ANAPC10: variants seen among roughly 807,000 people sequenced by gnomAD.
ANAPC10 encodes the protein anaphase-promoting complex subunit 10.
ANAPC10 carries 12 observed loss-of-function variants against 22.0 expected under a neutral mutation model. The observed-to-expected ratio is 0.55, with a 90% CI of 0.35 to 0.88. The LOEUF (loss-of-function observed/expected upper bound fraction) is 0.88. Among genes scored for constraint, ANAPC10 ranks in the 40% least tolerant of loss-of-function variants. The pLI is 0.01. For synonymous variants in ANAPC10, 65 were observed against 69.5 expected (o/e 0.94, Z 0.32); for missense variants, 188 against 220.9 (o/e 0.85, Z 0.94).
At chr4:145,070,891 CA>C (rs1165290503) in intron 3 of ANAPC10, among the ~76,000 whole-genome samples, 9 of 152,050 alleles carry the variant, frequency 5.9e-5, no homozygotes, top group Admixed American at 5.9e-4. Flanking sequence ...AGTTAGACAC[CA>C]AAGGACAAAT....
chr4:145,079,216 G>A (rs531382937), intron 3 of ANAPC10, among the ~76,000 whole-genome samples: 27 of 152,190 alleles, frequency 1.8e-4, no homozygotes, highest in African/African-American at 5.8e-4. Context: ...AATGGGCAAA[G>A]GACATGAACG....
At chr4:145,010,877 T>C (rs1560819066) in intron 4 of ANAPC10, among the ~76,000 whole-genome samples, 1 of 151,566 alleles carries the variant, frequency 6.6e-6, no homozygotes, top group African/African-American at 2.4e-5. Context: ...GAGAGGTATA[T>C]GGGGAAAAAA....
intron 4 of ANAPC10, among the ~76,000 whole-genome samples, chr4:145,023,711 C>T (rs1736272939): frequency 6.6e-6 from 1 of 152,080 alleles, no homozygotes; most frequent in Non-Finnish European, 1.5e-5. Context: ...ATCATCTGGG[C>T]CTTTAGTGAG....
In ANAPC10 at chr4:144,994,595, T is replaced by C. The variant is rs1731355904; in HGVS notation, c.*778A>G. On this transcript the variant is annotated 3_prime_UTR_variant, in exon 5 of 5. Transcript: ENST00000507656. ...CATGTATTTCTTTAAAATCTTTTAA[T>C]ATATATAAAAAATTTCACATACTTT... The C allele has an allele frequency of 6.6e-6, 1 of 152,108 alleles. No individual in the cohort carries two copies. Among genetic ancestry groups the C allele is most frequent in the Non-Finnish European group, 1.5e-5 (1 of 67,980 alleles). The allele number at this position is 152,108 out of a possible 1,614,324, so 9.4% of individuals were successfully genotyped here. A position where few individuals can be genotyped will look rare whatever the true frequency, so the allele number is the denominator to read the frequency against.
chr4:145,047,664 C>T (rs569769274), intron 4 of ANAPC10, among the ~76,000 whole-genome samples: 15 of 151,818 alleles, frequency 9.9e-5, no homozygotes, highest in Non-Finnish European at 2.2e-4. Flanking sequence ...CACAAGGCAA[C>T]TCTTCATTCA....
At chr4:144,999,786 T>C (rs1732223383) in intron 4 of ANAPC10, among the ~76,000 whole-genome samples, 1 of 152,194 alleles carries the variant, frequency 6.6e-6, no homozygotes, top group Non-Finnish European at 1.5e-5. Flanking sequence ...GGCATCATGC[T>C]ACCTCACTTC....
intron 2 of ANAPC10, among the ~76,000 whole-genome samples, chr4:145,085,151 T>C (rs1746673833): frequency 6.6e-6 from 1 of 152,168 alleles, no homozygotes; most frequent in Admixed American, 6.6e-5. Context: ...ATGGCACTCA[T>C]GTGGCTGAGG....
intron 4 of ANAPC10, among the ~76,000 whole-genome samples, chr4:145,049,465 C>T (rs1740788246): frequency 6.6e-6 from 1 of 152,150 alleles, no homozygotes. Flanking sequence ...CAAGAATGTT[C>T]ACAGCACCTT....
intron 4 of ANAPC10, among the ~76,000 whole-genome samples, chr4:145,012,174 G>GTATATATATATATATA (rs201493778): frequency 1.5e-5 from 2 of 133,458 alleles, no homozygotes; most frequent in African/African-American, 5.4e-5. Context: ...ATGTGTGTGT[G>GTATATATATATATATA]TGTATATATA....
At chr4:145,060,800 T>C (rs1422715840) in intron 4 of ANAPC10, among the ~76,000 whole-genome samples, 2 of 152,030 alleles carry the variant, frequency 1.3e-5, no homozygotes, top group Admixed American at 6.5e-5. Context: ...GTTTTTTTTA[T>C]ATATTTAGAT....
rs952241264 is a variant in ANAPC10, at chr4:145,062,397, G to A, written c.327+2175C>T. Among the ~76,000 whole-genome samples the A allele has an allele frequency of 1.4e-4, 21 of 152,130 alleles. No individual in the cohort carries two copies. In the South Asian group the frequency reaches 3.1e-3, roughly 23 times the overall value. On this transcript the variant is annotated intron_variant, in intron 4 of 4. Transcript: ENST00000507656. ...CGAGAGAGGCAGATCACTTGAGGCC[G>A]GAGTTCGAGACCAACCTGGCCAAAA...
intron 4 of ANAPC10, among the ~76,000 whole-genome samples, chr4:145,043,599 A>C (rs1374640563): frequency 6.6e-6 from 1 of 152,170 alleles, no homozygotes; most frequent in Admixed American, 6.5e-5. Flanking sequence ...TTCTTACTTT[A>C]GGTGAAATAT....
chr4:145,066,774 A>AT (rs1743759549), intron 3 of ANAPC10, among the ~76,000 whole-genome samples: 1 of 6,196 alleles, frequency 1.6e-4, no homozygotes, highest in East Asian at 8.5e-3. Context: ...CATTTTTCTG[A>AT]TTTAAAAAAA....
chr4:145,054,644 C>CGCGCGTGCGTGCAGCGCGTGTGT (rs1560884545), intron 4 of ANAPC10, among the ~76,000 whole-genome samples: 1 of 137,700 alleles, frequency 7.3e-6, no homozygotes, highest in Non-Finnish European at 1.5e-5. Flanking sequence ...TGTGTGTGCG[C>CGCGCGTGCGTGCAGCGCGTGTGT]GCGCGCGCGC....
At chr4:145,057,942 G>T (rs1035708830) in intron 4 of ANAPC10, among the ~76,000 whole-genome samples, 1 of 152,004 alleles carries the variant, frequency 6.6e-6, no homozygotes, top group Non-Finnish European at 1.5e-5. Context: ...TTAAATCCTC[G>T]TAATTTTTAC....
chr4:145,005,211 T>C (rs942164063), intron 4 of ANAPC10, among the ~76,000 whole-genome samples: 24 of 152,092 alleles, frequency 1.6e-4, no homozygotes, highest in Admixed American at 3.9e-4. Context: ...CCACCATACC[T>C]GGCTAAAAAG....
chr4:145,054,269 A>G (rs1741583219), intron 4 of ANAPC10, among the ~76,000 whole-genome samples: 1 of 149,428 alleles, frequency 6.7e-6, no homozygotes, highest in Admixed American at 6.7e-5. Context: ...AAAATTTACC[A>G]CACCAGGCGC....
At position 145,054,643 on chromosome 4, in the gene ANAPC10, G is replaced by A. The variant is rs569381952; in HGVS notation, c.327+9929C>T. On this transcript the variant is annotated intron_variant, in intron 4 of 4. Transcript: ENST00000507656. ...TGTGTGTGTGTGTGTGTGTGTGTGC[G>A]CGCGCGCGCGCGTGCGTGCAGCGCA... Among the ~76,000 whole-genome samples the A allele has an allele frequency of 7.6e-3, 549 of 72,216 alleles. 2 individuals are homozygous for A. Among genetic ancestry groups the A allele is most frequent in the African/African-American group, 0.021 (506 of 24,678 alleles). The allele number at this position is 72,216 out of a possible 152,430, so 47.4% of individuals were successfully genotyped here.
intron 4 of ANAPC10, among the ~76,000 whole-genome samples, chr4:145,029,866 T>C (rs543441233): frequency 2.6e-5 from 4 of 152,182 alleles, no homozygotes; most frequent in African/African-American, 7.2e-5. Context: ...GCAAAACAGA[T>C]TTGTGAGGGC....
Sources: gnomAD v4.1 joint callset for allele counts (sites outside exome capture counted in the v4.1 genomes callset) on GRCh38, gnomAD v4.1.1 for gene constraint, MANE v1.5 for transcripts, NCBI Gene and HGNC (gene_info 2026-07-23, HGNC 2026-07-21) for gene names.